The following STX8 variants were observed in gnomAD, a reference collection of about 807,000 sequenced individuals.
STX8 encodes the protein syntaxin 8, also known as syntaxin-8.
A neutral mutation model predicts 37.5 loss-of-function variants in STX8; 23 were observed. The observed-to-expected ratio is 0.61, with a 90% CI of 0.44 to 0.87. STX8 has a LOEUF of 0.87. Ranked by LOEUF, STX8 falls within the 40% of genes least tolerant of loss-of-function variation. The pLI is 0.00. For missense variants in STX8, 313 were observed against 284.7 expected, an observed-to-expected ratio of 1.10 and a Z score of -0.71; for synonymous variants, 115 against 99.1, an observed-to-expected ratio of 1.16 and a Z score of -0.95.
chr17:9,532,774 T>C (rs1323219526), intron 4 of STX8, among the ~76,000 whole-genome samples: 2 of 152,238 alleles, frequency 1.3e-5, no homozygotes, highest in Middle Eastern at 3.4e-3. Flanking sequence ...ATATGACATA[T>C]CTAGTTTCTC....
rs80291589 is a variant in STX8 at position 9,549,782 on chromosome 17, G to C, written c.213-4500C>G. Among the ~76,000 whole-genome samples the C allele has an allele frequency of 8.4e-3, 1,273 of 152,284 alleles. 20 individuals are homozygous for C. The highest frequency in any genetic ancestry group is 0.029 in the African/African-American group (1,223 of 41,542). On this transcript the variant is annotated intron_variant, in intron 3 of 7. Transcript: ENST00000306357. The stretch of plus-strand genomic sequence containing the variant: ...AATGAACCATCTGCATAGCACCCTT[G>C]CTATGTAAGGGTTGTTATTAGTAAG...
At chr17:9,261,158 C>T (rs1907013049) in intron 7 of STX8, among the ~76,000 whole-genome samples, 1 of 152,196 alleles carries the variant, frequency 6.6e-6, no homozygotes, top group Admixed American at 6.5e-5. Flanking sequence ...GGCATGAGCA[C>T]CTGGCTGGGC....
At position 9,274,350 on chromosome 17, in the gene STX8, G is replaced by A. The variant is rs572234210; in HGVS notation, c.644-23705C>T. On this transcript the variant is annotated intron_variant, in intron 7 of 7. Transcript: ENST00000306357. The stretch of plus-strand genomic sequence containing the variant: ...GTCTTCAAAAAACCCAAATTCACGA[G>A]TGATATAGACATTTGTTTAAACAAA... Among the ~76,000 whole-genome samples the A allele has an allele frequency of 3.3e-5, 5 of 152,176 alleles. No individual in the cohort carries two copies. In the South Asian group the frequency reaches 1.0e-3, roughly 32 times the overall value.
chr17:9,378,643 G>C lies in STX8; in HGVS notation c.552C>G (p.Asp184Glu), dbSNP rs372212039. The change falls in exon 7 of 8, where the codon GAC (aspartate) becomes GAG (glutamate). Residue 184 changes from aspartate to glutamate, a missense_variant. Transcript: ENST00000306357. Reference sequence around the variant, plus strand: ...TGTTCTCCACTAGGTTGGCAAGGTCGTCAATTATCTCTAGAAAGGAAACAT... The same window carrying C: ...TGTTCTCCACTAGGTTGGCAAGGTCCTCAATTATCTCTAGAAAGGAAACAT... The part of the protein sequence containing the change: ...NELDEQNEII[D>E]DLANLVENTD... The C allele has an allele frequency of 3.7e-6, 6 of 1,612,846 alleles. No individual in the cohort carries two copies. Among genetic ancestry groups the C allele is most frequent in the Non-Finnish European group, 5.1e-6 (6 of 1,179,028 alleles).
At chr17:9,437,610 C>T (rs1262161213) in intron 6 of STX8, among the ~76,000 whole-genome samples, 1 of 152,196 alleles carries the variant, frequency 6.6e-6, no homozygotes, top group African/African-American at 2.4e-5. Flanking sequence ...TGTTAGGCCT[C>T]AATAGTTACT....
intron 7 of STX8, among the ~76,000 whole-genome samples, chr17:9,362,840 A>AAAAAAAAAT (rs1555601151): frequency 3.7e-4 from 43 of 115,520 alleles, no homozygotes; most frequent in African/African-American, 1.3e-3. Context: ...AAAAAAAAAA[A>AAAAAAAAAT]AAATAAATAA....
At chr17:9,349,252 A>G (rs192245037) in intron 7 of STX8, among the ~76,000 whole-genome samples, 2 of 151,930 alleles carry the variant, frequency 1.3e-5, no homozygotes, top group South Asian at 2.1e-4. Flanking sequence ...TCGGCCTGCT[A>G]AAGTGCTTAG....
intron 7 of STX8, among the ~76,000 whole-genome samples, chr17:9,327,595 C>T (rs1909821825): frequency 6.6e-6 from 1 of 152,038 alleles, no homozygotes; most frequent in African/African-American, 2.4e-5. Flanking sequence ...GTGTGGCATT[C>T]CTTCCACCTG....
At position 9,544,561 on chromosome 17, in the gene STX8, T is replaced by G. The variant is rs533784511; in HGVS notation, c.323+611A>C. ...CAGAGAAGTAGTGACCTCAGGAGTTTAGAAGGCAGTTAACAAAGCAGAAAA... is the reference window on the plus strand; with the variant it reads ...CAGAGAAGTAGTGACCTCAGGAGTTGAGAAGGCAGTTAACAAAGCAGAAAA... On this transcript the variant is annotated intron_variant, in intron 4 of 7. Coordinates refer to ENST00000306357, the MANE Select transcript of STX8 (RefSeq NM_004853.3). 3.3e-5 allele frequency among the ~76,000 whole-genome samples: 5 copies of G among 151,568 alleles called. No individual in the cohort carries two copies. The East Asian group carries it at 9.7e-4, about 29-fold the overall frequency.
chr17:9,392,765 G>A (rs1912268696), intron 6 of STX8, among the ~76,000 whole-genome samples: 1 of 152,098 alleles, frequency 6.6e-6, no homozygotes, highest in African/African-American at 2.4e-5. Flanking sequence ...TCACTGGATG[G>A]GATCAATAGC....
chr17:9,260,900 G>C (rs546765718), intron 7 of STX8, among the ~76,000 whole-genome samples: 48 of 152,340 alleles, frequency 3.2e-4, no homozygotes, highest in African/African-American at 1.1e-3. Context: ...AACGTGGAAA[G>C]AATCAACTGG....
intron 4 of STX8, among the ~76,000 whole-genome samples, chr17:9,515,322 TA>T (rs1905131620): frequency 6.6e-6 from 1 of 152,352 alleles, no homozygotes; most frequent in Admixed American, 6.5e-5. Context: ...TTTGGAAGAC[TA>T]TTTCATGTAG....
At chr17:9,382,755 C>G (rs1458172419) in intron 6 of STX8, among the ~76,000 whole-genome samples, 1 of 152,060 alleles carries the variant, frequency 6.6e-6, no homozygotes, top group East Asian at 1.9e-4. Context: ...GATGAAAGGA[C>G]ACATGTCAAA....
chr17:9,428,365 C>T lies in STX8; in HGVS notation c.542-49712G>A, dbSNP rs546330033. On this transcript the variant is annotated intron_variant, in intron 6 of 7. Transcript: ENST00000306357. ...ATGCCATTCTCCTGCCTCAGCCTCC[C>T]GAGTAGCTGGGACTACAGGTACCCG... 9.8e-3 allele frequency among the ~76,000 whole-genome samples: 1,492 copies of T among 152,252 alleles called. 9 individuals are homozygous for T. Among genetic ancestry groups the T allele is most frequent in the Non-Finnish European group, 0.017 (1,180 of 68,008 alleles).
intron 7 of STX8, among the ~76,000 whole-genome samples, chr17:9,251,202 T>C (rs1009892932): frequency 6.6e-5 from 10 of 152,258 alleles, no homozygotes; most frequent in Admixed American, 2.6e-4. Context: ...CGTTTTTGGC[T>C]GGAGAGCACA....
At chr17:9,306,682 G>A (rs886691254) in intron 7 of STX8, among the ~76,000 whole-genome samples, 5 of 148,810 alleles carry the variant, frequency 3.4e-5, no homozygotes, top group East Asian at 4.0e-4. Flanking sequence ...GGAGAATCAC[G>A]TGAACCCAGA....
chr17:9,431,787 C>G (rs550510074), intron 6 of STX8, among the ~76,000 whole-genome samples: 1 of 152,148 alleles, frequency 6.6e-6, no homozygotes, highest in African/African-American at 2.4e-5. Flanking sequence ...GTGTTAAGAC[C>G]ACGAGTGCTG....
intron 7 of STX8, among the ~76,000 whole-genome samples, chr17:9,349,406 C>T (rs562663813): frequency 2.0e-5 from 3 of 148,594 alleles, no homozygotes; most frequent in African/African-American, 7.4e-5. Context: ...CTGTAACCTC[C>T]GCCTCCTGGG....
intron 1 of STX8, 23 bp from the exon 2 acceptor site, chr17:9,568,493 G>A: frequency 6.3e-7 from 1 of 1,595,120 alleles, no homozygotes; most frequent in Non-Finnish European, 8.6e-7. Context: ...CGTAAAAAGA[G>A]AAAATGTTTA....
Sources: allele counts gnomAD v4.1 joint callset (sites outside exome capture counted in the v4.1 genomes callset), GRCh38; gene constraint gnomAD v4.1.1; transcripts MANE v1.5; gene names NCBI Gene and HGNC (gene_info 2026-07-23, HGNC 2026-07-21).